Variants in ACVR1C observed in about 807,000 individuals in gnomAD.
ACVR1C encodes activin receptor type-1C.
A neutral mutation model predicts 57.9 loss-of-function variants in ACVR1C; 23 were observed. The ratio of observed to expected loss-of-function variants is 0.40; its 90% CI spans 0.29 to 0.56. The LOEUF is 0.56. ACVR1C is among the 20% of genes least tolerant of loss of function. ACVR1C has a pLI of 0.50. For synonymous variants in ACVR1C, 214 were observed against 215.3 expected, an observed-to-expected ratio of 0.99 and a Z score of 0.05; for missense variants, 480 against 607.9, an observed-to-expected ratio of 0.79 and a Z score of 2.21.
intron 1 of ACVR1C, among the ~76,000 whole-genome samples, chr2:157,616,041 G>A (rs1219780347): frequency 6.6e-6 from 1 of 152,130 alleles, no homozygotes. Context: ...TCTGTGCTTG[G>A]TGGTTTGATG....
chr2:157,600,870 G>T (rs973178181), intron 1 of ACVR1C, among the ~76,000 whole-genome samples: 1 of 152,144 alleles, frequency 6.6e-6, no homozygotes, highest in Non-Finnish European at 1.5e-5. Flanking sequence ...TTCATATATT[G>T]TGCAAACATA....
At position 157,544,554 on chromosome 2, in the gene ACVR1C, T is replaced by C. The variant is rs1190262275; in HGVS notation, c.834A>G (p.Leu278=). 1.1e-5 allele frequency: 18 copies of C among 1,613,948 alleles called. No homozygotes were observed. The South Asian group carries it at 1.5e-4, about 14-fold the overall frequency. ...LVSEYHEQGS[L]YDYLNRNIVT... ...CTATATTTCTATTCAAATAGTCATA[T>C]AAGGAGCCCTGTTCATGATATTCAG... is the stretch of plus-strand genomic sequence containing the variant. The change falls in exon 5 of 9, where the codon TTA becomes TTG. Residue 278 remains leucine, a synonymous_variant. Transcript: ENST00000243349.
At position 157,544,312 on chromosome 2, in the gene ACVR1C, T is replaced by C. The variant is rs1373560896; in HGVS notation, c.943+133A>G. 4.9e-6 allele frequency: 4 copies of C among 817,196 alleles called. No individual in the cohort carries two copies. In the East Asian group the frequency reaches 1.3e-4, roughly 27 times the overall value. The allele number at this position is 817,196 out of a possible 1,614,324, so 50.6% of individuals were successfully genotyped here. On this transcript the variant is annotated intron_variant, in intron 5 of 8. Coordinates refer to ENST00000243349, the MANE Select transcript of ACVR1C (RefSeq NM_145259.3). The stretch of plus-strand genomic sequence containing the variant: ...CCTCTCACCTAGACTACCAAAATGC[T>C]GGGATTATGGGTATAAGCCACCGTG...
chr2:157,624,887 A>T (rs1682865766), intron 1 of ACVR1C, among the ~76,000 whole-genome samples: 1 of 152,240 alleles, frequency 6.6e-6, no homozygotes, highest in African/African-American at 2.4e-5. Flanking sequence ...TTAAACAGCA[A>T]TTAATTTTTA....
chr2:157,553,201 C>T (rs1453690444), intron 3 of ACVR1C, among the ~76,000 whole-genome samples: 2 of 152,322 alleles, frequency 1.3e-5, no homozygotes, highest in Middle Eastern at 3.4e-3. Flanking sequence ...AATCCCCTCC[C>T]TACAGGTGAG....
chr2:157,557,130 A>T (rs1573918148), intron 2 of ACVR1C, among the ~76,000 whole-genome samples: 1 of 151,826 alleles, frequency 6.6e-6, no homozygotes, highest in East Asian at 1.9e-4. Context: ...TACTAAACAG[A>T]TGTTTAACAC....
intron 2 of ACVR1C, among the ~76,000 whole-genome samples, chr2:157,568,695 C>A (rs1225012457): frequency 2.7e-5 from 1 of 37,188 alleles, no homozygotes; most frequent in Non-Finnish European, 5.2e-5. Flanking sequence ...AATACAGGAG[C>A]ACCCAGATTC....
At chr2:157,549,382 G>C (rs1397574302) in intron 4 of ACVR1C, among the ~76,000 whole-genome samples, 1 of 151,956 alleles carries the variant, frequency 6.6e-6, no homozygotes, top group Non-Finnish European at 1.5e-5. Context: ...CAAACAAAAA[G>C]TTCCAATGAT....
At chr2:157,564,361 T>C (rs986613071) in intron 2 of ACVR1C, among the ~76,000 whole-genome samples, 2 of 152,180 alleles carry the variant, frequency 1.3e-5, no homozygotes, top group African/African-American at 4.8e-5. Context: ...TGAAAAAGGC[T>C]CAACATCATT....
intron 8 of ACVR1C, among the ~76,000 whole-genome samples, chr2:157,537,237 A>G (rs1687512116): frequency 6.6e-6 from 1 of 152,198 alleles, no homozygotes; most frequent in East Asian, 1.9e-4. Flanking sequence ...TAAAGAAATA[A>G]TTGATTATAA....
At chr2:157,589,775 ATAC>A (rs1301717815) in intron 1 of ACVR1C, among the ~76,000 whole-genome samples, 2 of 151,968 alleles carry the variant, frequency 1.3e-5, no homozygotes, top group East Asian at 3.8e-4. Flanking sequence ...ACTTCAAATT[ATAC>A]TATAAATATA....
intron 2 of ACVR1C, among the ~76,000 whole-genome samples, chr2:157,576,196 A>G (rs1415449178): frequency 7.8e-6 from 1 of 127,560 alleles, no homozygotes; most frequent in African/African-American, 3.1e-5. Context: ...TTGAGGAATA[A>G]TCATTTCTTT....
Position 157,612,613 on chromosome 2 carries a change from G to A in ACVR1C, c.73+15959C>T, listed in dbSNP as rs9941511. On this transcript the variant is annotated intron_variant, in intron 1 of 8. Coordinates refer to ENST00000243349, the MANE Select transcript of ACVR1C (RefSeq NM_145259.3). ...AGAGTCCATGCCACTGCTGGGGACA[G>A]GGTTAATTCTCACAGCCCCAGACAG... Among the ~76,000 whole-genome samples the A allele has an allele frequency of 8.1e-3, 1,223 of 151,896 alleles. 21 individuals carry two copies. Among genetic ancestry groups the A allele is most frequent in the African/African-American group, 0.027 (1,133 of 41,414 alleles).
intron 2 of ACVR1C, among the ~76,000 whole-genome samples, chr2:157,578,081 T>A (rs368905412): frequency 5.3e-5 from 8 of 152,192 alleles, no homozygotes; most frequent in African/African-American, 1.7e-4. Context: ...TTTTAAAAAA[T>A]TTTTGTAGAA....
At chr2:157,572,522 C>G (rs1220332636) in intron 2 of ACVR1C, among the ~76,000 whole-genome samples, 1 of 152,042 alleles carries the variant, frequency 6.6e-6, no homozygotes, top group Non-Finnish European at 1.5e-5. Context: ...AGCTCAATGT[C>G]CTATACGTAA....
chr2:157,628,413 C>T (rs1682951912), intron 1 of ACVR1C, among the ~76,000 whole-genome samples, 159 bp downstream of exon 1: 1 of 152,190 alleles, frequency 6.6e-6, no homozygotes, highest in South Asian at 2.1e-4. Flanking sequence ...GCCCACGCTG[C>T]ACCCTATCCC....
intron 1 of ACVR1C, 133 bp from the exon 2 acceptor site, chr2:157,587,550 A>G: frequency 1.6e-6 from 1 of 637,762 alleles, no homozygotes; most frequent in Non-Finnish European, 2.7e-6. Context: ...TGCTAAACAC[A>G]TGCTAAGCAA....
intron 3 of ACVR1C, among the ~76,000 whole-genome samples, chr2:157,554,264 A>AAAGAAAGAAAGAAAGAAAGAAAGAAAGG (rs1688018034): frequency 1.6e-5 from 2 of 127,410 alleles, no homozygotes; most frequent in African/African-American, 4.2e-5. Context: ...AGAAAGAAAG[A>AAAGAAAGAAAGAAAGAAAGAAAGAAAGG]AAGAAAGGAA....
chr2:157,587,267 C>G lies in ACVR1C; in HGVS notation c.224G>C (p.Cys75Ser). 1.2e-6 allele frequency: 2 copies of G among 1,613,686 alleles called. No homozygotes were observed. Among genetic ancestry groups the G allele is most frequent in the Non-Finnish European group, 1.7e-6 (2 of 1,179,670 alleles). Residue 75 changes from cysteine to serine, a missense_variant, in exon 2 of 9, where the codon TGT (cysteine) becomes TCT (serine). Transcript: ENST00000243349. The part of the protein sequence containing the change: ...SLPELNAQVF[C>S]HSSNNVTKTE... ...TTTGGTAACATTGTTGGAACTATGA[C>G]AGAAGACTTGAGCATTCAGTTCTGG...
Sources: allele counts gnomAD v4.1 joint callset (sites outside exome capture counted in the v4.1 genomes callset), GRCh38; gene constraint gnomAD v4.1.1; transcripts MANE v1.5; gene names NCBI Gene and HGNC (gene_info 2026-07-23, HGNC 2026-07-21).